ZFYVE26: variants seen among roughly 807,000 people sequenced by gnomAD.
ZFYVE26 encodes the protein zinc finger FYVE domain-containing protein 26.
In ZFYVE26, 181 loss-of-function variants were observed where a neutral mutation model predicts 276.5. The ratio of observed to expected loss-of-function variants is 0.65; its 90% CI spans 0.58 to 0.74. ZFYVE26 has a LOEUF of 0.74. Ranked by LOEUF, ZFYVE26 falls within the 30% of genes least tolerant of loss-of-function variation. The pLI is 0.00. For synonymous variants in ZFYVE26, 1,129 were observed against 1,203.1 expected, an observed-to-expected ratio of 0.94 and a Z score of 1.27; for missense variants, 2,821 against 3,097.9, an observed-to-expected ratio of 0.91 and a Z score of 2.12.
rs1257093374 is a variant in ZFYVE26, at chr14:67,746,667, A to G, written c.*1769T>C. 2 of 152,432 alleles carry G rather than the reference A, an allele frequency of 1.3e-5. No individual in the cohort carries two copies. The highest frequency in any genetic ancestry group is 6.5e-5 in the Admixed American group (1 of 15,280). 9.4% of individuals were successfully genotyped at this position (152,432 alleles called of 1,614,324 possible). ...AGCCTCATCTCATATCAGTCTAGTC[A>G]GTGGTTGCCTATAATTTGATAGTTC... On this transcript the variant is annotated 3_prime_UTR_variant, in exon 42 of 42. Transcript: ENST00000347230.
intron 13 of ZFYVE26, among the ~76,000 whole-genome samples, chr14:67,731,207 CTTTTTTTTTT>C (rs71129853): frequency 2.2e-4 from 20 of 90,624 alleles, no homozygotes; most frequent in Admixed American, 1.8e-3. Context: ...TTCTTTCTTT[CTTTTTTTTTT>C]TTTTTTTTTT....
chr14:67,809,406 C>CTATTTTTTTTTTTTTTTTTT (rs1566899149), intron 3 of ZFYVE26, 117 bp from the exon 4 acceptor site: 3 of 223,334 alleles, frequency 1.3e-5, no homozygotes, highest in Non-Finnish European at 1.4e-5. Flanking sequence ...AGATGAAGCA[C>CTATTTTTTTTTTTTTTTTTT]TCTTTTTTTT....
At chr14:67,762,115 G>T in intron 34 of ZFYVE26, 88 bp downstream of exon 34, 2 of 1,497,070 alleles carry the variant, frequency 1.3e-6, no homozygotes, top group Non-Finnish European at 9.3e-7. Context: ...GACACTGTTA[G>T]CTGAATTTCC....
intron 13 of ZFYVE26, among the ~76,000 whole-genome samples, chr14:67,739,063 T>C (rs917772571): frequency 6.6e-6 from 1 of 152,228 alleles, no homozygotes; most frequent in Non-Finnish European, 1.5e-5. Flanking sequence ...CACATTTTTT[T>C]GCAAGTGACG....
chr14:67,784,821 G>A (rs2039605961), intron 19 of ZFYVE26, among the ~76,000 whole-genome samples: 1 of 152,172 alleles, frequency 6.6e-6, no homozygotes, highest in African/African-American at 2.4e-5. Flanking sequence ...GTCTGACAGA[G>A]ATATTTTTGA....
rs116951325 is a variant in ZFYVE26, at chr14:67,790,180, T to G, written c.2755+392A>C. Among the ~76,000 whole-genome samples, 446 of 152,286 alleles carry G rather than the reference T, an allele frequency of 2.9e-3. 12 individuals carry two copies. In the East Asian group the frequency reaches 0.074, roughly 25 times the overall value. ...GACCTGTGAATTCTAGGCCTTAAATTTTAATACCCAACTGCACTTTATAGA... is the reference window on the plus strand; with the variant it reads ...GACCTGTGAATTCTAGGCCTTAAATGTTAATACCCAACTGCACTTTATAGA... On this transcript the variant is annotated intron_variant, in intron 15 of 41. Transcript: ENST00000347230.
chr14:67,756,414 C>G, intron 35 of ZFYVE26: 1 of 514,018 alleles, frequency 1.9e-6, no homozygotes, highest in South Asian at 2.1e-5. Context: ...TGAACCCACT[C>G]TAATCTAGCT....
At chr14:67,813,857 C>T in intron 3 of ZFYVE26, 129 bp downstream of exon 3, 1 of 734,898 alleles carries the variant, frequency 1.4e-6, no homozygotes, top group Non-Finnish European at 2.4e-6. Context: ...AAATTTAAGC[C>T]ATTCTTTGAG....
intron 21 of ZFYVE26, among the ~76,000 whole-genome samples, chr14:67,782,118 C>A (rs372516596): frequency 6.6e-6 from 1 of 152,198 alleles, no homozygotes; most frequent in Non-Finnish European, 1.5e-5. Context: ...CCAAAGGGAG[C>A]CAAGCCTCCT....
At position 67,793,664 on chromosome 14, in the gene ZFYVE26, G is replaced by A. The variant is rs750766603; in HGVS notation, c.2497C>T (p.Pro833Ser). The A allele has an allele frequency of 1.2e-6, 2 of 1,613,914 alleles. No homozygotes were observed. Among genetic ancestry groups the A allele is most frequent in the Non-Finnish European group, 1.7e-6 (2 of 1,179,890 alleles). ...SSLIPMMFSP[P>S]ESLLASCILR... is the part of the protein sequence containing the mutation. ...ATGCAGGATGCCAGCAGTGACTCAGGTGGGGAGAACATCATGGGGATGAGT... is the reference window on the plus strand; with the variant it reads ...ATGCAGGATGCCAGCAGTGACTCAGATGGGGAGAACATCATGGGGATGAGT... Residue 833 changes from proline to serine, a missense_variant, in exon 14 of 42, where the codon CCT becomes TCT. Transcript: ENST00000347230.
intron 35 of ZFYVE26, among the ~76,000 whole-genome samples, chr14:67,756,651 G>T (rs1384597196): frequency 6.6e-6 from 1 of 152,094 alleles, no homozygotes; most frequent in Non-Finnish European, 1.5e-5. Flanking sequence ...CTATGTCTTT[G>T]GCTGCTTCTT....
In ZFYVE26 at chr14:67,786,203, G is replaced by A; in HGVS notation, c.3050C>T (p.Ala1017Val). ...AACTGGAAAACCTCGAATGCCATCA[G>A]CATTTAGGAGTACGTGGTCTATCCG... Reference protein sequence around the residue: ...GRRIDHVLLNADGIRGFPVVL... With the variant: ...GRRIDHVLLNVDGIRGFPVVL... Residue 1017 changes from alanine to valine, a missense_variant, in exon 17 of 42, where the codon GCT becomes GTT. Physicochemically the swap from Ala to Val is moderately conservative, Grantham distance 64. Coordinates refer to ENST00000347230, the MANE Select transcript of ZFYVE26 (RefSeq NM_015346.4). 4 of 1,592,422 alleles carry A rather than the reference G, an allele frequency of 2.5e-6. No individual in the cohort carries two copies. The highest frequency in any genetic ancestry group is 3.4e-6 in the Non-Finnish European group (4 of 1,170,404).
At chr14:67,814,151 TTC>T in intron 2 of ZFYVE26, 87 bp from the exon 3 acceptor site, 1 of 1,106,846 alleles carries the variant, frequency 9.0e-7, no homozygotes, top group Non-Finnish European at 1.4e-6. Flanking sequence ...TCATTGCTTA[TTC>T]TGTTTTAAAC....
At chr14:67,729,127 G>T (rs1026858084) in intron 14 of ZFYVE26, 3 of 1,520,888 alleles carry the variant, frequency 2.0e-6, no homozygotes, top group Non-Finnish European at 2.7e-6. Context: ...TTTGCTGCAG[G>T]AGATAAGCTG....
rs765865143 is a variant in ZFYVE26 at position 67,733,727 on chromosome 14, G to A, written n.2680-3908C>T. The A allele has an allele frequency of 1.9e-5, 30 of 1,555,964 alleles. No homozygotes were observed. The highest frequency in any genetic ancestry group is 3.3e-5 in the Admixed American group (2 of 59,864). On this transcript the variant is annotated intron_variant and non_coding_transcript_variant, in intron 13 of 14. Transcript: ENST00000394455. The stretch of plus-strand genomic sequence containing the variant: ...CTAATTCTCATTCCTGGAATTTACT[G>A]TCTTTCTCTGCCCTCCAGTGACTGC...
chr14:67,756,186 G>A (rs1248911480), intron 35 of ZFYVE26, 41 bp from the exon 36 acceptor site: 1 of 1,604,422 alleles, frequency 6.2e-7, no homozygotes, highest in African/African-American at 1.3e-5. Context: ...TCTTGAGCCT[G>A]GTTCTGGCAC....
Position 67,767,854 on chromosome 14 carries a change from T to G in ZFYVE26, c.5654-14A>C. On this transcript the variant is annotated splice_polypyrimidine_tract_variant and intron_variant, in intron 30 of 41. Coordinates refer to ENST00000347230, the MANE Select transcript of ZFYVE26 (RefSeq NM_015346.4). Reference sequence around the variant, plus strand: ...AGCTGTCTAGAGCTGAGAAGAGAAATGCCATTCATGTGTCATTCACTGGCT... The same window carrying G: ...AGCTGTCTAGAGCTGAGAAGAGAAAGGCCATTCATGTGTCATTCACTGGCT... 1 of 1,614,120 alleles carries G rather than the reference T, an allele frequency of 6.2e-7. No homozygotes were observed. Among genetic ancestry groups the G allele is most frequent in the Non-Finnish European group, 8.5e-7 (1 of 1,180,014 alleles).
intron 34 of ZFYVE26, chr14:67,761,988 TCTC>T (rs544767193): frequency 5.3e-4 from 317 of 599,626 alleles, no homozygotes; most frequent in South Asian, 2.8e-3. Context: ...TTAAAAATTG[TCTC>T]CTTTTTTTAA....
chr14:67,731,278 G>C (rs555689735), intron 13 of ZFYVE26, among the ~76,000 whole-genome samples: 62 of 130,440 alleles, frequency 4.8e-4, no homozygotes, highest in African/African-American at 1.5e-3. Flanking sequence ...GCAATGGCAT[G>C]ATCTTGGCTC....
Sources: gnomAD v4.1 joint callset for allele counts (sites outside exome capture counted in the v4.1 genomes callset) on GRCh38, gnomAD v4.1.1 for gene constraint, MANE v1.5 for transcripts, NCBI Gene and HGNC (gene_info 2026-07-23, HGNC 2026-07-21) for gene names.